The following SUSD1 variants were observed in gnomAD, a reference collection of about 807,000 sequenced individuals.
SUSD1 encodes sushi domain containing 1, also known as sushi domain-containing protein 1.
Under a neutral mutation model 86.9 loss-of-function variants are expected in SUSD1, and 65 were observed. That is an observed-to-expected ratio of 0.75 (90% CI 0.61 to 0.92). SUSD1 has a LOEUF of 0.92. Among genes scored for constraint, SUSD1 ranks in the 40% least tolerant of loss-of-function variants. The probability of loss-of-function intolerance (pLI) is 0.00; values close to 1 mark genes in which losing one functional copy is unlikely to be tolerated. For synonymous variants in SUSD1, 346 were observed against 350.0 expected, an observed-to-expected ratio of 0.99 and a Z score of 0.13; for missense variants, 850 against 929.7, an observed-to-expected ratio of 0.91 and a Z score of 1.11.
chr9:112,093,197 C>G (rs772468302), intron 10 of SUSD1, among the ~76,000 whole-genome samples: 1 of 151,846 alleles, frequency 6.6e-6, no homozygotes, highest in African/African-American at 2.4e-5. Flanking sequence ...CTCCCTATTC[C>G]CTATATGTTA....
At chr9:112,116,022 C>T (rs1179869035) in intron 6 of SUSD1, among the ~76,000 whole-genome samples, 1 of 152,036 alleles carries the variant, frequency 6.6e-6, no homozygotes, top group Non-Finnish European at 1.5e-5. Flanking sequence ...CATCTCTGCT[C>T]ACTTACACAT....
intron 10 of SUSD1, among the ~76,000 whole-genome samples, chr9:112,086,837 AC>A (rs1564282684): frequency 0.013 from 1,881 of 149,788 alleles, 44 homozygotes; most frequent in African/African-American, 0.045. Flanking sequence ...AAACAAACAA[AC>A]AAACAAAAAA....
At chr9:112,104,770 T>G (rs1413086005) in intron 8 of SUSD1, 1 of 152,176 alleles carries the variant, frequency 6.6e-6, no homozygotes, top group African/African-American at 2.4e-5. Flanking sequence ...GGCCATCCAT[T>G]TTATTATGAA....
intron 10 of SUSD1, among the ~76,000 whole-genome samples, chr9:112,090,080 A>G (rs1329817051): frequency 6.6e-6 from 1 of 152,188 alleles, no homozygotes; most frequent in Non-Finnish European, 1.5e-5. Context: ...GATCCAATTA[A>G]TAAACCAAAA....
At position 112,112,938 on chromosome 9, in the gene SUSD1, A is replaced by C; in HGVS notation, c.887-70T>G. ...CTTTAGCAAAATTCTAAAGGAGATCAGTCTCTCTGCATAGCTGGTATCTCT... is the reference window on the plus strand; with the variant it reads ...CTTTAGCAAAATTCTAAAGGAGATCCGTCTCTCTGCATAGCTGGTATCTCT... On this transcript the variant is annotated intron_variant, in intron 6 of 16. Coordinates refer to ENST00000374270, the MANE Select transcript of SUSD1 (RefSeq NM_022486.5). 5.6e-6 allele frequency: 5 copies of C among 898,066 alleles called. No homozygotes were observed. The Admixed American group carries it at 9.4e-5, about 17-fold the overall frequency. 55.6% of individuals were successfully genotyped at this position (898,066 alleles called of 1,614,324 possible).
intron 1 of SUSD1, among the ~76,000 whole-genome samples, chr9:112,164,549 A>G (rs1449413367): frequency 2.0e-5 from 3 of 151,884 alleles, no homozygotes; most frequent in Admixed American, 2.0e-4. Flanking sequence ...TTGTTTCTAA[A>G]AAAAAAAAAG....
chr9:112,077,706 C>T (rs1321406628), intron 12 of SUSD1, among the ~76,000 whole-genome samples: 3 of 151,470 alleles, frequency 2.0e-5, no homozygotes, highest in Admixed American at 6.6e-5. Context: ...GGTTTCACCA[C>T]GTCAGCCAGG....
chr9:112,062,841 C>G (rs922527918), intron 13 of SUSD1, 96 bp downstream of exon 13: 1 of 775,958 alleles, frequency 1.3e-6, no homozygotes, highest in African/African-American at 1.7e-5. Flanking sequence ...CCAAGTGCAG[C>G]CACCAACACA....
At chr9:112,050,417 GAGA>G (rs1364024306) in intron 15 of SUSD1, among the ~76,000 whole-genome samples, 1 of 152,202 alleles carries the variant, frequency 6.6e-6, no homozygotes, top group African/African-American at 2.4e-5. Context: ...AAGATCAGGA[GAGA>G]AGCAGACAAA....
intron 10 of SUSD1, among the ~76,000 whole-genome samples, chr9:112,090,205 T>C (rs1277092808): frequency 6.6e-6 from 1 of 151,956 alleles, no homozygotes; most frequent in Non-Finnish European, 1.5e-5. Context: ...ATTCAAAAAG[T>C]TAAACGAAAC....
chr9:112,142,679 T>C (rs532529795), intron 4 of SUSD1, 180 bp from the exon 5 acceptor site: 1 of 595,930 alleles, frequency 1.7e-6, no homozygotes, highest in Non-Finnish European at 2.8e-6. Context: ...TTATTCAATC[T>C]TTTGGCCTTC....
At chr9:112,084,214 G>A (rs10817261) in intron 10 of SUSD1, among the ~76,000 whole-genome samples, 51,026 of 151,798 alleles carry the variant, frequency 0.34, 8,952 homozygotes, top group African/African-American at 0.42. Context: ...TGTCTGTAAT[G>A]ACAAAAACTT....
chr9:112,098,903 A>C (rs1830507932), intron 9 of SUSD1, among the ~76,000 whole-genome samples: 1 of 152,254 alleles, frequency 6.6e-6, no homozygotes, highest in African/African-American at 2.4e-5. Context: ...CAGATGAAGA[A>C]AATATTAGTC....
intron 15 of SUSD1, among the ~76,000 whole-genome samples, chr9:112,047,969 A>C (rs1276309290): frequency 2.6e-5 from 4 of 152,192 alleles, no homozygotes; most frequent in Non-Finnish European, 5.9e-5. Context: ...AGACTAAGAC[A>C]CTTGCAGTTA....
intron 15 of SUSD1, among the ~76,000 whole-genome samples, chr9:112,049,995 C>G (rs1233906498): frequency 6.6e-6 from 1 of 152,116 alleles, no homozygotes; most frequent in Admixed American, 6.5e-5. Context: ...TTTCTTCTAC[C>G]CAGTTTGAAT....
chr9:112,041,197 G>A lies in SUSD1; in HGVS notation c.*295C>T. Reference sequence around the variant, plus strand: ...AGTCCCAGCCAAGATTCACAGATCTGTATGTAGCCTTCGGTCAATATCACA... The same window carrying A: ...AGTCCCAGCCAAGATTCACAGATCTATATGTAGCCTTCGGTCAATATCACA... On this transcript the variant is annotated 3_prime_UTR_variant, in exon 17 of 17. Coordinates refer to ENST00000374270, the MANE Select transcript of SUSD1 (RefSeq NM_022486.5). The A allele has an allele frequency of 1.8e-6, 1 of 567,470 alleles. No homozygotes were observed. The highest frequency in any genetic ancestry group is 2.3e-5 in the South Asian group (1 of 43,050). The allele number at this position is 567,470 out of a possible 1,614,324, so 35.2% of individuals were successfully genotyped here.
Position 112,130,896 on chromosome 9 carries a change from G to A in SUSD1, c.707-6460C>T, listed in dbSNP as rs563999701. On this transcript the variant is annotated intron_variant, in intron 5 of 16. Transcript: ENST00000374270. ...AACTAGCCAGGCATTGGTGGCTCAT[G>A]CCTGTAGTCCCAGCTACTTGGGAGG... Among the ~76,000 whole-genome samples, 3 of 151,738 alleles carry A rather than the reference G, an allele frequency of 2.0e-5. No individual in the cohort carries two copies. In the East Asian group the frequency reaches 5.8e-4, roughly 29 times the overall value.
At chr9:112,170,710 T>TATAGAGAG (rs758442726) in intron 1 of SUSD1, among the ~76,000 whole-genome samples, 50 of 113,816 alleles carry the variant, frequency 4.4e-4, no homozygotes, top group African/African-American at 1.5e-3. Flanking sequence ...TATATATATA[T>TATAGAGAG]AGAGAGAGAG....
chr9:112,075,496 T>C (rs1297163546), intron 12 of SUSD1, among the ~76,000 whole-genome samples: 5 of 152,056 alleles, frequency 3.3e-5, no homozygotes, highest in Non-Finnish European at 5.9e-5. Flanking sequence ...GGAGGTGAGA[T>C]GGGAGGATCA....
Sources: allele counts gnomAD v4.1 joint callset (sites outside exome capture counted in the v4.1 genomes callset), GRCh38; gene constraint gnomAD v4.1.1; transcripts MANE v1.5; gene names NCBI Gene and HGNC (gene_info 2026-07-23, HGNC 2026-07-21).